PRUNE2: variants seen among roughly 807,000 people sequenced by gnomAD.
PRUNE2 encodes prune homolog 2 with BCH domain.
PRUNE2 carries 164 observed loss-of-function variants against 252.0 expected under a neutral mutation model. That is an observed-to-expected ratio of 0.65 (90% confidence interval 0.57 to 0.74). PRUNE2 has a LOEUF of 0.74. Among genes scored for constraint, PRUNE2 ranks in the 30% least tolerant of loss-of-function variants. The pLI is 0.00. For synonymous variants in PRUNE2, 1,292 were observed against 1,350.2 expected (o/e 0.96, Z 0.94); for missense variants, 3,495 against 3,711.0 (o/e 0.94, Z 1.51).
intron 1 of PRUNE2, among the ~76,000 whole-genome samples, chr9:76,871,789 T>C (rs186267284): frequency 7.8e-4 from 119 of 152,152 alleles, no homozygotes; most frequent in African/African-American, 2.7e-3. Flanking sequence ...CCACCCCGCC[T>C]GGCCAATTTT....
At chr9:76,729,211 G>A (rs568365810) in intron 6 of PRUNE2, among the ~76,000 whole-genome samples, 72 of 152,312 alleles carry the variant, frequency 4.7e-4, no homozygotes, top group African/African-American at 1.3e-3. Flanking sequence ...TTTAGGATGT[G>A]ATCTAAGTCA....
chr9:76,828,332 T>A (rs922403940), intron 4 of PRUNE2, among the ~76,000 whole-genome samples: 67 of 152,304 alleles, frequency 4.4e-4, no homozygotes, highest in African/African-American at 1.5e-3. Flanking sequence ...GATGGTATGA[T>A]TTTAGCAAGG....
chr9:76,851,439 T>C (rs926165266), intron 2 of PRUNE2, among the ~76,000 whole-genome samples: 3 of 151,974 alleles, frequency 2.0e-5, no homozygotes, highest in African/African-American at 7.3e-5. Flanking sequence ...TCCCAGCTAC[T>C]TGGGAGGCTG....
intron 9 of PRUNE2, chr9:76,692,305 A>G (rs911074604): frequency 1.7e-6 from 1 of 604,256 alleles, no homozygotes; most frequent in Admixed American, 2.9e-5. Context: ...TCATTTGGGA[A>G]TATACGATAC....
At chr9:76,752,354 C>T (rs1350451187) in intron 6 of PRUNE2, among the ~76,000 whole-genome samples, 3 of 152,130 alleles carry the variant, frequency 2.0e-5, no homozygotes, top group Non-Finnish European at 4.4e-5. Flanking sequence ...GCCTCGGCCT[C>T]CCAAAGTGCT....
intron 6 of PRUNE2, among the ~76,000 whole-genome samples, chr9:76,749,101 C>A (rs777268216): frequency 1.3e-5 from 2 of 152,086 alleles, no homozygotes; most frequent in Non-Finnish European, 2.9e-5. Flanking sequence ...AAACAACAGC[C>A]AAAGAAGTTA....
intron 6 of PRUNE2, among the ~76,000 whole-genome samples, chr9:76,798,984 T>G (rs978578737): frequency 1.3e-5 from 2 of 152,230 alleles, no homozygotes; most frequent in Non-Finnish European, 2.9e-5. Flanking sequence ...AGAATTACAC[T>G]TAAGCCAGTC....
intron 1 of PRUNE2, among the ~76,000 whole-genome samples, chr9:76,902,334 A>C (rs2063229022): frequency 6.6e-6 from 1 of 152,196 alleles, no homozygotes; most frequent in South Asian, 2.1e-4. Context: ...CATAGAAATG[A>C]TGTAACTAAG....
At chr9:76,854,387 G>C (rs1040538125) in intron 1 of PRUNE2, among the ~76,000 whole-genome samples, 179 bp from the exon 2 acceptor site, 1 of 152,308 alleles carries the variant, frequency 6.6e-6, no homozygotes, top group Middle Eastern at 3.4e-3. Context: ...TTAACACTCT[G>C]AAATATTCAC....
At chr9:76,871,982 T>C (rs2061230020) in intron 1 of PRUNE2, among the ~76,000 whole-genome samples, 1 of 152,038 alleles carries the variant, frequency 6.6e-6, no homozygotes, top group Non-Finnish European at 1.5e-5. Flanking sequence ...TTGTAAAAAA[T>C]GAAAATAGTC....
At position 76,846,538 on chromosome 9, in the gene PRUNE2, T is replaced by C; in HGVS notation, c.485A>G (p.Glu162Gly). ...ILQEAPELITEQLAHRLRGSI... is the reference protein window; with the variant it reads ...ILQEAPELITGQLAHRLRGSI... ...ACCTCTGAGGCGATGAGCCAGTTGC[T>C]CGGTGATGAGCTCAGGAGCCTCTTG... Residue 162 changes from glutamate to glycine, a missense_variant, in exon 4 of 19, where the codon GAG becomes GGG. Physicochemically the swap from Glu to Gly is moderately conservative, Grantham distance 98. Transcript: ENST00000376718. 1 of 1,613,894 alleles carries C rather than the reference T, an allele frequency of 6.2e-7. No homozygotes were observed.
At chr9:76,887,490 A>C (rs1016635737) in intron 1 of PRUNE2, among the ~76,000 whole-genome samples, 21 of 152,184 alleles carry the variant, frequency 1.4e-4, no homozygotes, top group African/African-American at 4.8e-4. Context: ...CCTGTAAATG[A>C]CAATAATCCG....
chr9:76,664,459 AC>A (rs1416064708), intron 9 of PRUNE2, among the ~76,000 whole-genome samples: 4 of 152,248 alleles, frequency 2.6e-5, no homozygotes, highest in Non-Finnish European at 2.9e-5. Context: ...AATTCCTATT[AC>A]AAACACTGGG....
Position 76,894,717 on chromosome 9 carries a change from C to CAAAAAAAA in PRUNE2, c.36+11203_36+11210dup, listed in dbSNP as rs113594017. On this transcript the variant is annotated intron_variant, in intron 1 of 18. Transcript: ENST00000376718. ...GCACCCTTTCATTAATTTTCTGCAG[C>CAAAAAAAA]AAAAAAAAAAAAAAAGGACCAGCCA... Among the ~76,000 whole-genome samples the CAAAAAAAA allele has an allele frequency of 3.2e-3, 391 of 120,628 alleles. 11 individuals carry two copies. The highest frequency in any genetic ancestry group is 0.012 in the African/African-American group (349 of 28,970). The allele number at this position is 120,628 out of a possible 152,430, so 79.1% of individuals were successfully genotyped here.
chr9:76,809,236 A>G (rs1192766750), intron 6 of PRUNE2, among the ~76,000 whole-genome samples: 1 of 152,216 alleles, frequency 6.6e-6, no homozygotes. Flanking sequence ...ATAATTGCCA[A>G]TCATCCGTAA....
intron 2 of PRUNE2, among the ~76,000 whole-genome samples, chr9:76,851,388 A>G (rs1204695316): frequency 2.6e-5 from 4 of 152,176 alleles, no homozygotes; most frequent in Non-Finnish European, 5.9e-5. Flanking sequence ...TCTACTAAAA[A>G]TACAAAAAAA....
chr9:76,764,091 C>T (rs867643446), intron 6 of PRUNE2, among the ~76,000 whole-genome samples: 18 of 152,252 alleles, frequency 1.2e-4, no homozygotes, highest in South Asian at 4.1e-4. Flanking sequence ...TTCATTGATT[C>T]GTTGATTCAC....
intron 4 of PRUNE2, among the ~76,000 whole-genome samples, chr9:76,828,998 CAG>C (rs1589439932): frequency 8.3e-6 from 1 of 120,766 alleles, no homozygotes; most frequent in African/African-American, 3.3e-5. Flanking sequence ...GCCTAGGAGA[CAG>C]AGTCTCACTC....
chr9:76,683,648 G>C (rs2043736762), intron 9 of PRUNE2, among the ~76,000 whole-genome samples: 1 of 152,028 alleles, frequency 6.6e-6, no homozygotes, highest in South Asian at 2.1e-4. Flanking sequence ...AAGTGCCAGG[G>C]TCATGAACCC....
Sources: gnomAD v4.1 joint callset for allele counts (sites outside exome capture counted in the v4.1 genomes callset) on GRCh38, gnomAD v4.1.1 for gene constraint, MANE v1.5 for transcripts, NCBI Gene and HGNC (gene_info 2026-07-23, HGNC 2026-07-21) for gene names.